The following DYNLT3 variants were observed in gnomAD, a reference collection of about 807,000 sequenced individuals.
The protein encoded by DYNLT3 is protein 91/23.
A neutral mutation model predicts 11.0 loss-of-function variants in DYNLT3; 4 were observed. The ratio of observed to expected loss-of-function variants is 0.36; its 90% confidence interval spans 0.18 to 0.83. The LOEUF (loss-of-function observed/expected upper bound fraction) is 0.83. DYNLT3 is among the 40% of genes least tolerant of loss of function. The pLI is 0.47. For synonymous variants in DYNLT3, 37 were observed against 31.2 expected, an observed-to-expected ratio of 1.18 and a Z score of -0.61; for missense variants, 91 against 91.1, an observed-to-expected ratio of 1.00 and a Z score of 0.01.
At chrX:37,840,745 C>G in intron 4 of DYNLT3, 94 bp from the exon 5 acceptor site, 1 of 458,033 alleles carries the variant, frequency 2.2e-6, no homozygotes, top group East Asian at 4.1e-5. Flanking sequence ...CACACACACA[C>G]ACATATACAC....
At chrX:37,846,894 A>G (rs1233604818) in intron 1 of DYNLT3, 3 of 770,292 alleles carry the variant, frequency 3.9e-6, no homozygotes, top group South Asian at 2.3e-5. Flanking sequence ...TGGTCTGACA[A>G]CTTAGTCTTT....
rs1231354830 is a variant in DYNLT3, at chrX:37,839,276, C to A, written c.*1299G>T. ...ATGTATTAGTGTTAGTGGTAATATG[C>A]AAAACTGATTTTGTTTTCAGGGTTA... is the stretch of plus-strand genomic sequence containing the variant. On this transcript the variant is annotated 3_prime_UTR_variant, in exon 5 of 5. Transcript: ENST00000378578. 1 of 111,949 alleles carries A rather than the reference C, an allele frequency of 8.9e-6. No homozygotes were observed. Among genetic ancestry groups the A allele is most frequent in the African/African-American group, 3.3e-5 (1 of 30,760 alleles). 9.2% of individuals were successfully genotyped at this position (111,949 alleles called of 1,213,427 possible). A position where few individuals can be genotyped will look rare whatever the true frequency, so the allele number is the denominator to read the frequency against.
At chrX:37,842,276 AG>A (rs1194608888) in intron 2 of DYNLT3, among the ~76,000 whole-genome samples, 1 of 112,177 alleles carries the variant, frequency 8.9e-6, no homozygotes, top group African/African-American at 3.2e-5. Context: ...GGAAATTAAA[AG>A]GTGCTATCAA....
At chrX:37,844,183 G>A (rs1930224480) in intron 2 of DYNLT3, among the ~76,000 whole-genome samples, 1 of 111,965 alleles carries the variant, frequency 8.9e-6, no homozygotes, top group Admixed American at 9.5e-5. Context: ...GTGACTTCTA[G>A]CACCACCTAG....
In DYNLT3 at chrX:37,844,208, G is replaced by A. The variant is rs149841253; in HGVS notation, c.72+2109C>T. Among the ~76,000 whole-genome samples the A allele has an allele frequency of 5.3e-3, 592 of 112,044 alleles. 2 individuals carry two copies. Among genetic ancestry groups the A allele is most frequent in the African/African-American group, 0.019 (576 of 30,874 alleles). On this transcript the variant is annotated intron_variant, in intron 2 of 4. Coordinates refer to ENST00000378578, the MANE Select transcript of DYNLT3 (RefSeq NM_006520.3). The stretch of plus-strand genomic sequence containing the variant: ...GCACCACCTAGCCACTGCCGAGTAT[G>A]TATTTCCCAGTTGAAAAAGCATGAT...
chrX:37,843,225 T>C (rs749185295), intron 2 of DYNLT3, among the ~76,000 whole-genome samples: 3 of 112,516 alleles, frequency 2.7e-5, no homozygotes, highest in Non-Finnish European at 3.8e-5. Context: ...GGAATAGAAT[T>C]TTAATTCTGG....
chrX:37,840,765 C>G (rs751162313), intron 4 of DYNLT3, 114 bp from the exon 5 acceptor site: 57,344 of 314,698 alleles, frequency 0.18, 2,736 homozygotes, highest in African/African-American at 0.3. Context: ...CACACACACA[C>G]ACACACACAC....
chrX:37,847,417 G>C (rs1930287934), intron 1 of DYNLT3, 64 bp downstream of exon 1: 1 of 1,005,729 alleles, frequency 9.9e-7, no homozygotes, highest in Admixed American at 5.0e-5. Flanking sequence ...AGACCACCCG[G>C]CAAGAGCCCC....
intron 2 of DYNLT3, among the ~76,000 whole-genome samples, chrX:37,842,351 A>T (rs1464549846): frequency 9.0e-6 from 1 of 111,717 alleles, no homozygotes; most frequent in African/African-American, 3.3e-5. Flanking sequence ...TAGAAACAGG[A>T]TGGGACTAAT....
intron 1 of DYNLT3, 172 bp downstream of exon 1, chrX:37,847,309 G>A: frequency 1.1e-6 from 1 of 870,762 alleles, no homozygotes; most frequent in Non-Finnish European, 1.5e-6. Flanking sequence ...ACTTTGGGGT[G>A]GGGAGAACGG....
At position 37,838,882 on chromosome X, in the gene DYNLT3, G is replaced by A. The variant is rs1930091142; in HGVS notation, c.*1693C>T. ...TTATTATATTTTAACTAGAAACAGA[G>A]CAGATAGCAAGTTCACCAGGTAAAA... On this transcript the variant is annotated 3_prime_UTR_variant, in exon 5 of 5. Coordinates refer to ENST00000378578, the MANE Select transcript of DYNLT3 (RefSeq NM_006520.3). 9.0e-6 allele frequency: 1 copy of A among 111,505 alleles called. No homozygotes were observed. 9.2% of individuals were successfully genotyped at this position (111,505 alleles called of 1,213,427 possible).
intron 2 of DYNLT3, among the ~76,000 whole-genome samples, chrX:37,842,915 C>T (rs925768138): frequency 5.4e-5 from 6 of 111,964 alleles, no homozygotes; most frequent in African/African-American, 1.9e-4. Context: ...ATCTAACACA[C>T]ACATGCAGCT....
At chrX:37,840,767 C>G (rs5964201) in intron 4 of DYNLT3, 116 bp from the exon 5 acceptor site, 4,385 of 319,306 alleles carry the variant, frequency 0.014, 77 homozygotes, top group African/African-American at 0.13. Flanking sequence ...CACACACACA[C>G]ACACACACAC....
Position 37,839,178 on chromosome X carries a change from C to T in DYNLT3, c.*1397G>A, listed in dbSNP as rs920140862. The T allele has an allele frequency of 7.2e-5, 8 of 111,785 alleles. No homozygotes were observed. The highest frequency in any genetic ancestry group is 5.7e-4 in the Admixed American group (6 of 10,490). The allele number at this position is 111,785 out of a possible 1,213,427, so 9.2% of individuals were successfully genotyped here. ...ACATAGTATTCCTACAAGAATATTG[C>T]CTTAATATTGTCAATATTAACGCTA... On this transcript the variant is annotated 3_prime_UTR_variant, in exon 5 of 5. Transcript: ENST00000378578.
At chrX:37,847,185 G>C in intron 1 of DYNLT3, 1 of 1,094,029 alleles carries the variant, frequency 9.1e-7, no homozygotes, top group South Asian at 2.2e-5. Flanking sequence ...GGCGGCGCCC[G>C]TCACCCCATG....
chrX:37,846,746 G>A (rs1930273131), intron 1 of DYNLT3, among the ~76,000 whole-genome samples: 1 of 111,876 alleles, frequency 8.9e-6, no homozygotes, highest in Non-Finnish European at 1.9e-5. Flanking sequence ...CATATGAAGA[G>A]AATGCTTAGT....
chrX:37,844,521 C>T (rs1218859099), intron 2 of DYNLT3, among the ~76,000 whole-genome samples: 1 of 111,753 alleles, frequency 8.9e-6, no homozygotes, highest in East Asian at 2.8e-4. Context: ...AGACCACCCG[C>T]CCCCTTCTCT....
At chrX:37,846,471 G>T in intron 1 of DYNLT3, 113 bp from the exon 2 acceptor site, 1 of 703,812 alleles carries the variant, frequency 1.4e-6, no homozygotes, top group Non-Finnish European at 2.1e-6. Flanking sequence ...AGGGCATCAG[G>T]TCTACAGAAG....
chrX:37,840,514 T>C lies in DYNLT3; in HGVS notation c.*61A>G. On this transcript the variant is annotated 3_prime_UTR_variant, in exon 5 of 5. Coordinates refer to ENST00000378578, the MANE Select transcript of DYNLT3 (RefSeq NM_006520.3). ...CACTAGTAAACAACTATTACTCTTT[T>C]TGGAAAGGATACACTGACAAATTCT... The C allele has an allele frequency of 3.0e-5, 31 of 1,041,381 alleles. No individual in the cohort carries two copies. Among genetic ancestry groups the C allele is most frequent in the Non-Finnish European group, 3.8e-5 (29 of 772,001 alleles). 85.8% of individuals were successfully genotyped at this position (1,041,381 alleles called of 1,213,427 possible).
Sources: gnomAD v4.1 joint callset for allele counts (sites outside exome capture counted in the v4.1 genomes callset) on GRCh38, gnomAD v4.1.1 for gene constraint, MANE v1.5 for transcripts, NCBI Gene and HGNC (gene_info 2026-07-23, HGNC 2026-07-21) for gene names.